The following MAP4K4 variants were observed in gnomAD, a reference collection of about 807,000 sequenced individuals.
MAP4K4 encodes the protein mitogen-activated protein kinase kinase kinase kinase 4, also known as HPK/GCK-like kinase HGK.
MAP4K4 carries 38 observed loss-of-function variants against 189.6 expected under a neutral mutation model. The ratio of observed to expected loss-of-function variants is 0.20; its 90% CI spans 0.15 to 0.26. MAP4K4 has a LOEUF of 0.26. MAP4K4 is among the 10% of genes least tolerant of loss of function. The pLI is 1.00. For missense variants in MAP4K4, 1,054 were observed against 1,726.9 expected (o/e 0.61, Z 6.91); for synonymous variants, 610 against 624.3 (o/e 0.98, Z 0.34).
chr2:101,839,793 T>A, intron 9 of MAP4K4, 26 bp from the exon 10 acceptor site: 1 of 1,532,714 alleles, frequency 6.5e-7, no homozygotes, highest in South Asian at 1.3e-5. Flanking sequence ...TGGTGGAAAT[T>A]TGATGATCTT....
intron 2 of MAP4K4, among the ~76,000 whole-genome samples, chr2:101,753,382 T>C (rs187283541): frequency 2.6e-5 from 4 of 152,356 alleles, no homozygotes; most frequent in Admixed American, 2.0e-4. Context: ...AAATAGTTTT[T>C]GAAATGTGCC....
At chr2:101,870,260 T>G (rs1270242563) in intron 22 of MAP4K4, 35 bp from the exon 23 acceptor site, 1 of 1,606,862 alleles carries the variant, frequency 6.2e-7, no homozygotes, top group East Asian at 2.2e-5. Flanking sequence ...ACTCCAGAGA[T>G]TAAGGCCTTT....
intron 2 of MAP4K4, among the ~76,000 whole-genome samples, chr2:101,709,963 A>G (rs557330536): frequency 1.3e-5 from 2 of 152,322 alleles, no homozygotes; most frequent in South Asian, 2.1e-4. Context: ...AAATTCTTAT[A>G]CTGCAGAGCT....
At chr2:101,782,614 C>A (rs1034306999) in intron 2 of MAP4K4, among the ~76,000 whole-genome samples, 1 of 152,124 alleles carries the variant, frequency 6.6e-6, no homozygotes, top group Non-Finnish European at 1.5e-5. Context: ...GGTTTGGTGT[C>A]TGGAGGCACG....
chr2:101,826,092 T>G (rs1468517230), intron 5 of MAP4K4, among the ~76,000 whole-genome samples: 1 of 152,106 alleles, frequency 6.6e-6, no homozygotes, highest in Non-Finnish European at 1.5e-5. Context: ...GCTATCACAG[T>G]TTTTCTCTCT....
At chr2:101,733,056 C>T (rs1286865960) in intron 2 of MAP4K4, among the ~76,000 whole-genome samples, 1 of 152,236 alleles carries the variant, frequency 6.6e-6, no homozygotes. Context: ...TTTCAGGTGG[C>T]TTCCAGGTCT....
chr2:101,832,559 T>C (rs2096621804), intron 7 of MAP4K4, among the ~76,000 whole-genome samples: 1 of 152,252 alleles, frequency 6.6e-6, no homozygotes, highest in Non-Finnish European at 1.5e-5. Context: ...TTTTATTTTT[T>C]ATATACTGAA....
At chr2:101,703,094 G>A (rs1371188706) in intron 2 of MAP4K4, among the ~76,000 whole-genome samples, 1 of 152,108 alleles carries the variant, frequency 6.6e-6, no homozygotes, top group African/African-American at 2.4e-5. Flanking sequence ...TGGAATTGGG[G>A]ATCCCTTAGA....
At chr2:101,729,858 G>A (rs1469986468) in intron 2 of MAP4K4, among the ~76,000 whole-genome samples, 3 of 152,196 alleles carry the variant, frequency 2.0e-5, no homozygotes, top group African/African-American at 7.2e-5. Flanking sequence ...TTGGTTCTCT[G>A]GGTGTTTTCC....
chr2:101,718,887 A>G (rs2050094828), intron 2 of MAP4K4, among the ~76,000 whole-genome samples: 1 of 152,158 alleles, frequency 6.6e-6, no homozygotes, highest in Non-Finnish European at 1.5e-5. Context: ...AGTAGGGCAA[A>G]GAAGTTAGCA....
chr2:101,731,053 A>C (rs1039487058), intron 2 of MAP4K4, among the ~76,000 whole-genome samples: 2 of 151,930 alleles, frequency 1.3e-5, no homozygotes, highest in East Asian at 2.0e-4. Context: ...CAAAAAAAAA[A>C]CCAAACAGTT....
chr2:101,801,075 CT>C (rs2094320764), intron 3 of MAP4K4, among the ~76,000 whole-genome samples: 2 of 152,232 alleles, frequency 1.3e-5, no homozygotes, highest in South Asian at 4.2e-4. Flanking sequence ...ATCCCATCTC[CT>C]TTCCCCAGCT....
chr2:101,734,228 T>C (rs2059550115), intron 2 of MAP4K4, among the ~76,000 whole-genome samples: 1 of 152,082 alleles, frequency 6.6e-6, no homozygotes, highest in South Asian at 2.1e-4. Context: ...CTGTACAGAG[T>C]TAAAATATTA....
At chr2:101,845,813 T>C (rs2097091527) in intron 12 of MAP4K4, among the ~76,000 whole-genome samples, 1 of 152,144 alleles carries the variant, frequency 6.6e-6, no homozygotes, top group Admixed American at 6.5e-5. Context: ...CATTTCTGTT[T>C]TTATTTAATT....
At chr2:101,739,891 G>A (rs1198306817) in intron 2 of MAP4K4, among the ~76,000 whole-genome samples, 1 of 152,162 alleles carries the variant, frequency 6.6e-6, no homozygotes, top group Non-Finnish European at 1.5e-5. Flanking sequence ...TAAATCTTTT[G>A]TTAGTAGGGC....
At chr2:101,776,528 T>A (rs1306560636) in intron 2 of MAP4K4, among the ~76,000 whole-genome samples, 1 of 150,934 alleles carries the variant, frequency 6.6e-6, no homozygotes, top group Non-Finnish European at 1.5e-5. Context: ...TACAGCTTTC[T>A]AATTTTTGGA....
intron 2 of MAP4K4, among the ~76,000 whole-genome samples, chr2:101,754,509 G>A (rs1457722339): frequency 6.6e-6 from 1 of 152,006 alleles, no homozygotes; most frequent in African/African-American, 2.4e-5. Flanking sequence ...GTACCACCGT[G>A]CCCAGCTGAT....
intron 12 of MAP4K4, among the ~76,000 whole-genome samples, chr2:101,854,875 C>G (rs984418747): frequency 1.3e-5 from 2 of 152,176 alleles, no homozygotes; most frequent in African/African-American, 4.8e-5. Context: ...CCAGTAGCCA[C>G]TAGCCACATT....
chr2:101,729,033 CA>C (rs1227391380), intron 2 of MAP4K4, among the ~76,000 whole-genome samples: 1 of 150,286 alleles, frequency 6.7e-6, no homozygotes, highest in Non-Finnish European at 1.5e-5. Context: ...CAGATGAAAG[CA>C]GAAGCAACTT....
Sources: gnomAD v4.1 joint callset for allele counts (sites outside exome capture counted in the v4.1 genomes callset) on GRCh38, gnomAD v4.1.1 for gene constraint, MANE v1.5 for transcripts, NCBI Gene and HGNC (gene_info 2026-07-23, HGNC 2026-07-21) for gene names.